Variants in ARL13B observed in about 807,000 individuals in gnomAD.
The protein encoded by ARL13B is ARF like GTPase 13B.
In ARL13B, 36 loss-of-function variants were observed where a neutral mutation model predicts 56.1. That is an observed-to-expected ratio of 0.64 (90% confidence interval 0.49 to 0.85). The LOEUF (loss-of-function observed/expected upper bound fraction) is 0.85. ARL13B is among the 40% of genes least tolerant of loss of function. The probability of loss-of-function intolerance (pLI) is 0.00; values close to 1 mark genes in which losing one functional copy is unlikely to be tolerated. For missense variants in ARL13B, 519 were observed against 507.1 expected (o/e 1.02, Z -0.23); for synonymous variants, 178 against 171.1 (o/e 1.04, Z -0.32).
At chr3:94,022,242 C>T (rs1274583801) in intron 3 of ARL13B, among the ~76,000 whole-genome samples, 1 of 152,088 alleles carries the variant, frequency 6.6e-6, no homozygotes, top group Non-Finnish European at 1.5e-5. Context: ...CTCCTTGCCT[C>T]AGCCTCCTGA....
At chr3:94,026,058 C>T (rs1185284169) in intron 3 of ARL13B, among the ~76,000 whole-genome samples, 4 of 147,212 alleles carry the variant, frequency 2.7e-5, no homozygotes, top group South Asian at 2.1e-4. Flanking sequence ...CTCTCTCTGT[C>T]GCCCAGGCTG....
chr3:94,037,531 C>A (rs1201681427), intron 5 of ARL13B, among the ~76,000 whole-genome samples: 1 of 152,086 alleles, frequency 6.6e-6, no homozygotes. Context: ...TATGAGCGTG[C>A]CTTTCATCTA....
intron 3 of ARL13B, chr3:94,014,255 G>C (rs1404274654): frequency 2.8e-6 from 2 of 716,118 alleles, no homozygotes; most frequent in Non-Finnish European, 4.0e-6. Context: ...AGGGTTAAAG[G>C]GGAAAATTAC....
Position 94,034,096 on chromosome 3 carries a change from T to C in ARL13B, c.381-1235T>C, listed in dbSNP as rs144780643. Among the ~76,000 whole-genome samples, 62 of 152,286 alleles carry C rather than the reference T, an allele frequency of 4.1e-4. No homozygotes were observed. In the East Asian group the frequency reaches 0.012, roughly 28 times the overall value. On this transcript the variant is annotated intron_variant, in intron 3 of 9. Transcript: ENST00000394222. Reference sequence around the variant, plus strand: ...AGAATATTGAGTAAATTGAGTAATATTGAAGACTTACTGTTAATTTTGTTA... The same window carrying C: ...AGAATATTGAGTAAATTGAGTAATACTGAAGACTTACTGTTAATTTTGTTA...
In ARL13B at chr3:94,000,917, G is replaced by A. The variant is rs568696779; in HGVS notation, c.131-2742G>A. Among the ~76,000 whole-genome samples, 53 of 152,108 alleles carry A rather than the reference G, an allele frequency of 3.5e-4. 1 individual carries two copies. The highest frequency in any genetic ancestry group is 1.2e-3 in the African/African-American group (49 of 41,468). On this transcript the variant is annotated intron_variant, in intron 2 of 9. Coordinates refer to ENST00000394222, the MANE Select transcript of ARL13B (RefSeq NM_001174150.2). ...TATAATGGGCCCTAAATACATGTAC[G>A]AGGATAGATGGATAAATACATGAAA...
intron 3 of ARL13B, among the ~76,000 whole-genome samples, chr3:94,005,078 A>C (rs2076111902): frequency 6.6e-6 from 1 of 152,146 alleles, no homozygotes; most frequent in Non-Finnish European, 1.5e-5. Flanking sequence ...TTTATTCATT[A>C]ATACATGCAT....
chr3:93,980,407 G>T lies in ARL13B; in HGVS notation c.-17G>T. ...GCTCCGGGCTCGGATGGGAAGTGGT[G>T]GGAGGAGCGACCCGGGATGTTCAGT... On this transcript the variant is annotated 5_prime_UTR_variant, in exon 1 of 10. Transcript: ENST00000394222. 2 of 1,611,624 alleles carry T rather than the reference G, an allele frequency of 1.2e-6. No individual in the cohort carries two copies. Among genetic ancestry groups the T allele is most frequent in the Non-Finnish European group, 1.7e-6 (2 of 1,179,978 alleles).
chr3:94,011,333 T>C (rs535583092), intron 3 of ARL13B, among the ~76,000 whole-genome samples: 1 of 152,254 alleles, frequency 6.6e-6, no homozygotes, highest in Admixed American at 6.5e-5. Context: ...TGATGGCTGA[T>C]CTTACATTAA....
At position 93,980,340 on chromosome 3, in the gene ARL13B, G is replaced by C. The variant is rs994543750; in HGVS notation, c.-84G>C. 4 of 1,557,548 alleles carry C rather than the reference G, an allele frequency of 2.6e-6. No homozygotes were observed. The highest frequency in any genetic ancestry group is 2.6e-6 in the Non-Finnish European group (3 of 1,139,274). ...ACTTATCCACTTTAGGGGCGTCTCG[G>C]AGTGCCGGAGGCCCCCGGGGAAGAG... On this transcript the variant is annotated 5_prime_UTR_variant, in exon 1 of 10. Transcript: ENST00000394222.
chr3:94,003,240 C>G (rs1226190818), intron 2 of ARL13B, among the ~76,000 whole-genome samples: 1 of 152,066 alleles, frequency 6.6e-6, no homozygotes, highest in African/African-American at 2.4e-5. Context: ...TTTGATTCTT[C>G]TAAACTCTTC....
chr3:93,996,661 A>G, intron 2 of ARL13B: 1 of 432,372 alleles, frequency 2.3e-6, no homozygotes, highest in Middle Eastern at 3.4e-4. Flanking sequence ...TACAGGCATG[A>G]GCCACCACGC....
chr3:94,032,786 G>A (rs116238804), intron 3 of ARL13B, among the ~76,000 whole-genome samples: 247 of 152,226 alleles, frequency 1.6e-3, no homozygotes, highest in Non-Finnish European at 2.7e-3. Flanking sequence ...GTAAGCCACC[G>A]TGCCCGGCCA....
chr3:93,998,969 C>A (rs2076010446), intron 2 of ARL13B, among the ~76,000 whole-genome samples: 1 of 149,410 alleles, frequency 6.7e-6, no homozygotes, highest in Middle Eastern at 3.4e-3. Flanking sequence ...AAAAAGTTAT[C>A]TGCTAGTTTC....
At chr3:94,015,722 T>C (rs964986197) in intron 3 of ARL13B, among the ~76,000 whole-genome samples, 1 of 152,206 alleles carries the variant, frequency 6.6e-6, no homozygotes, top group Non-Finnish European at 1.5e-5. Flanking sequence ...TTGCTAAATA[T>C]GCATCATTCA....
At chr3:94,052,316 A>G (rs905714216) in intron 9 of ARL13B, among the ~76,000 whole-genome samples, 1 of 152,148 alleles carries the variant, frequency 6.6e-6, no homozygotes, top group Non-Finnish European at 1.5e-5. Flanking sequence ...TGAGGATTCT[A>G]CTATACAGAG....
Position 94,054,398 on chromosome 3 carries a change from C to T in ARL13B, c.*1135C>T, listed in dbSNP as rs1320301900. 1 of 400,132 alleles carries T rather than the reference C, an allele frequency of 2.5e-6. No individual in the cohort carries two copies. The highest frequency in any genetic ancestry group is 2.1e-5 in the African/African-American group (1 of 47,782). The allele number at this position is 400,132 out of a possible 1,614,324, so 24.8% of individuals were successfully genotyped here. ...TTCTCTTGCACTTAAGAATGGCATC[C>T]ATAAGATTCTGTATTTGGCATTTAG... On this transcript the variant is annotated 3_prime_UTR_variant, in exon 10 of 10. Transcript: ENST00000394222.
chr3:93,992,598 A>G (rs1426199494), intron 1 of ARL13B, among the ~76,000 whole-genome samples: 1 of 152,232 alleles, frequency 6.6e-6, no homozygotes, highest in Non-Finnish European at 1.5e-5. Flanking sequence ...TAAATGATGT[A>G]AACTAGTAGA....
At chr3:94,044,264 G>A (rs367850168) in intron 7 of ARL13B, among the ~76,000 whole-genome samples, 26 of 145,226 alleles carry the variant, frequency 1.8e-4, no homozygotes, top group East Asian at 8.5e-4. Context: ...GCCCCTGGCC[G>A]GCCGCCCTGT....
chr3:93,996,644 C>G (rs1210062742), intron 2 of ARL13B: 1 of 436,374 alleles, frequency 2.3e-6, no homozygotes, highest in East Asian at 7.0e-5. Context: ...TCCAAGAGTG[C>G]TGGGATTACA....
Sources: allele counts gnomAD v4.1 joint callset (sites outside exome capture counted in the v4.1 genomes callset), GRCh38; gene constraint gnomAD v4.1.1; transcripts MANE v1.5; gene names NCBI Gene and HGNC (gene_info 2026-07-23, HGNC 2026-07-21).